COL14A1: variants seen among roughly 807,000 people sequenced by gnomAD.
The protein encoded by COL14A1 is collagen type XIV alpha 1 chain.
In COL14A1, 136 loss-of-function variants were observed where a neutral mutation model predicts 230.3. That is an observed-to-expected ratio of 0.59 (90% CI 0.51 to 0.68). COL14A1 has a LOEUF of 0.68. Among genes scored for constraint, COL14A1 ranks in the 30% least tolerant of loss-of-function variants. The pLI, the probability that COL14A1 is intolerant of heterozygous loss-of-function variation, is 0.00. For synonymous variants in COL14A1, 792 were observed against 784.1 expected, an observed-to-expected ratio of 1.01 and a Z score of -0.17; for missense variants, 1,976 against 2,215.8, an observed-to-expected ratio of 0.89 and a Z score of 2.17.
At position 120,271,094 on chromosome 8, in the gene COL14A1, G is replaced by A. The variant is rs539175580; in HGVS notation, c.3213+920G>A. Among the ~76,000 whole-genome samples, 11 of 151,834 alleles carry A rather than the reference G, an allele frequency of 7.2e-5. 1 individual carries two copies. In the East Asian group the frequency reaches 1.7e-3, roughly 24 times the overall value. ...TGCAGCAACATGGATGAAGCTAGAG[G>A]CCATTATCCTAAGCAAACTAATGCA... On this transcript the variant is annotated intron_variant, in intron 26 of 47. Coordinates refer to ENST00000297848, the MANE Select transcript of COL14A1 (RefSeq NM_021110.4).
chr8:120,288,453 A>C (rs1209339986), intron 33 of COL14A1, among the ~76,000 whole-genome samples: 1 of 152,170 alleles, frequency 6.6e-6, no homozygotes, highest in Non-Finnish European at 1.5e-5. Flanking sequence ...AGTAAAATTA[A>C]AAGTAACACT....
intron 1 of COL14A1, among the ~76,000 whole-genome samples, chr8:120,142,668 A>T (rs1290513752): frequency 6.6e-6 from 1 of 152,202 alleles, no homozygotes; most frequent in Non-Finnish European, 1.5e-5. Flanking sequence ...TTTTGGTGGT[A>T]GGCCGGTAGG....
chr8:120,172,801 C>T (rs1816138015), intron 5 of COL14A1, among the ~76,000 whole-genome samples: 1 of 152,146 alleles, frequency 6.6e-6, no homozygotes, highest in Admixed American at 6.6e-5. Flanking sequence ...AGGGTGCCTC[C>T]CTTACATAAG....
chr8:120,277,167 C>T (rs1056453570), intron 26 of COL14A1, among the ~76,000 whole-genome samples: 9 of 152,172 alleles, frequency 5.9e-5, no homozygotes, highest in African/African-American at 2.2e-4. Context: ...ACATTTTGAC[C>T]TAGAATAGAC....
rs1812216420 is a variant in COL14A1, at chr8:120,373,088, A to G, written c.*1857A>G. Among the ~76,000 whole-genome samples, 1 of 152,148 alleles carries G rather than the reference A, an allele frequency of 6.6e-6. No individual in the cohort carries two copies. The highest frequency in any genetic ancestry group is 2.4e-5 in the African/African-American group (1 of 41,438). ...TCTTATTCTGTGTCTCAGATTTCCTAGTCCATGACATTTAATAGTGAGTAT... is the reference window on the plus strand; with the variant it reads ...TCTTATTCTGTGTCTCAGATTTCCTGGTCCATGACATTTAATAGTGAGTAT... On this transcript the variant is annotated 3_prime_UTR_variant, in exon 48 of 48. Coordinates refer to ENST00000297848, the MANE Select transcript of COL14A1 (RefSeq NM_021110.4).
intron 3 of COL14A1, among the ~76,000 whole-genome samples, chr8:120,159,379 A>G (rs1005138836): frequency 6.6e-6 from 1 of 152,230 alleles, no homozygotes; most frequent in African/African-American, 2.4e-5. Context: ...CTCAGGTCCC[A>G]TTAGTTCTCC....
chr8:120,214,916 T>A (rs1817706149), intron 13 of COL14A1, among the ~76,000 whole-genome samples: 1 of 152,212 alleles, frequency 6.6e-6, no homozygotes, highest in East Asian at 1.9e-4. Flanking sequence ...TATGCGTATA[T>A]CTAGGGGAAG....
At chr8:120,284,720 T>A (rs779236423) in intron 32 of COL14A1, among the ~76,000 whole-genome samples, 11 of 152,212 alleles carry the variant, frequency 7.2e-5, no homozygotes, top group Non-Finnish European at 1.3e-4. Flanking sequence ...TATATGTTAC[T>A]AACTTCATAT....
intron 45 of COL14A1, among the ~76,000 whole-genome samples, chr8:120,364,213 C>T (rs1012401002): frequency 2.0e-5 from 3 of 152,140 alleles, no homozygotes; most frequent in Admixed American, 6.5e-5. Context: ...TGGGCCATGA[C>T]TGGGTTTTGT....
chr8:120,363,352 C>T (rs1823294775), intron 45 of COL14A1, among the ~76,000 whole-genome samples: 1 of 152,126 alleles, frequency 6.6e-6, no homozygotes, highest in South Asian at 2.1e-4. Context: ...CACATATTCT[C>T]ACTCATAAGT....
At chr8:120,285,035 A>G (rs945014477) in intron 32 of COL14A1, among the ~76,000 whole-genome samples, 1 of 152,136 alleles carries the variant, frequency 6.6e-6, no homozygotes. Context: ...ATAATAAAAT[A>G]TTCCTTGTAA....
intron 2 of COL14A1, among the ~76,000 whole-genome samples, chr8:120,149,684 T>C (rs568633259): frequency 1.7e-5 from 2 of 120,330 alleles, no homozygotes; most frequent in Admixed American, 1.1e-4. Context: ...ATTCTGTTTT[T>C]TCATTTTTTT....
chr8:120,235,422 G>A (rs1818410635), intron 19 of COL14A1, among the ~76,000 whole-genome samples: 2 of 152,024 alleles, frequency 1.3e-5, no homozygotes. Flanking sequence ...GCCTGCCTTG[G>A]CCTCCCAAAG....
At chr8:120,165,041 C>T (rs1424077020) in intron 4 of COL14A1, among the ~76,000 whole-genome samples, 1 of 152,194 alleles carries the variant, frequency 6.6e-6, no homozygotes, top group Admixed American at 6.5e-5. Context: ...AACAATATAA[C>T]TTTTAGCCAG....
chr8:120,224,022 C>CTTTT (rs1563681445), intron 14 of COL14A1, among the ~76,000 whole-genome samples: 2 of 48,566 alleles, frequency 4.1e-5, no homozygotes, highest in African/African-American at 1.5e-4. Context: ...GCCCTCATCT[C>CTTTT]CTTTTTTTTT....
chr8:120,369,550 A>C, intron 47 of COL14A1, 65 bp downstream of exon 47: 1 of 1,399,462 alleles, frequency 7.1e-7, no homozygotes, highest in South Asian at 1.8e-5. Flanking sequence ...TAGTACCAAA[A>C]TGGGAAGATA....
At chr8:120,135,411 G>A (rs549688746) in intron 1 of COL14A1, among the ~76,000 whole-genome samples, 73 of 152,010 alleles carry the variant, frequency 4.8e-4, no homozygotes, top group African/African-American at 6.8e-4. Context: ...TTACAGAAGC[G>A]CACCACCACA....
chr8:120,355,219 G>T (rs1822934695), intron 45 of COL14A1, among the ~76,000 whole-genome samples: 1 of 151,996 alleles, frequency 6.6e-6, no homozygotes, highest in Admixed American at 6.6e-5. Context: ...TTTCTGCTCT[G>T]TGCATATCAT....
chr8:120,141,872 G>A (rs1435419397), intron 1 of COL14A1, among the ~76,000 whole-genome samples: 1 of 152,048 alleles, frequency 6.6e-6, no homozygotes, highest in East Asian at 1.9e-4. Context: ...AGTATTATGG[G>A]TATCTTTTAA....
Sources: allele counts gnomAD v4.1 joint callset (sites outside exome capture counted in the v4.1 genomes callset), GRCh38; gene constraint gnomAD v4.1.1; transcripts MANE v1.5; gene names NCBI Gene and HGNC (gene_info 2026-07-23, HGNC 2026-07-21).